The following COLEC12 variants were observed in gnomAD, a reference collection of about 807,000 sequenced individuals.
COLEC12 encodes collectin-12.
Under a neutral mutation model 71.1 loss-of-function variants are expected in COLEC12, and 33 were observed. The ratio of observed to expected loss-of-function variants is 0.46; its 90% CI spans 0.35 to 0.62. The LOEUF (loss-of-function observed/expected upper bound fraction) is 0.62, where lower values mean the gene tolerates loss of function less well. COLEC12 is among the 20% of genes least tolerant of loss of function. The pLI, the probability that COLEC12 is intolerant of heterozygous loss-of-function variation, is 0.00. For missense variants in COLEC12, 765 were observed against 916.1 expected (o/e 0.84, Z 2.13); for synonymous variants, 350 against 353.0 (o/e 0.99, Z 0.10).
intron 2 of COLEC12, among the ~76,000 whole-genome samples, chr18:387,147 G>A (rs1239076409): frequency 1.3e-5 from 2 of 152,202 alleles, no homozygotes; most frequent in Non-Finnish European, 2.9e-5. Flanking sequence ...TGGTAGCGTT[G>A]TCAGCACAGC....
Position 362,107 on chromosome 18 carries a change from C to T in COLEC12, c.59-4585G>A, listed in dbSNP as rs148217453. 7.0e-3 allele frequency among the ~76,000 whole-genome samples: 1,072 copies of T among 152,338 alleles called. 13 individuals carry two copies. Among genetic ancestry groups the T allele is most frequent in the African/African-American group, 0.024 (997 of 41,576 alleles). On this transcript the variant is annotated intron_variant, in intron 2 of 9. Transcript: ENST00000400256. The surrounding 1 kb of genome is among the most constrained non-coding windows in gnomAD (Gnocchi z 4.6). ...ACACTCATCTTTCCCTCCCATCCTT[C>T]CCCGTGAGCTAGCCCTGTGGCCGCC...
chr18:464,946 C>G lies in COLEC12; in HGVS notation c.58+15761G>C, dbSNP rs555927757. Among the ~76,000 whole-genome samples the G allele has an allele frequency of 2.0e-5, 3 of 152,352 alleles. No individual in the cohort carries two copies. In the South Asian group the frequency reaches 6.2e-4, roughly 32 times the overall value. On this transcript the variant is annotated intron_variant, in intron 2 of 9. Coordinates refer to ENST00000400256, the MANE Select transcript of COLEC12 (RefSeq NM_130386.3). ...TGACACACTCTTGGGCTCTCCAAAGCTCAGGTTCTAGACGCTCCCATCACA... is the reference window on the plus strand; with the variant it reads ...TGACACACTCTTGGGCTCTCCAAAGGTCAGGTTCTAGACGCTCCCATCACA...
chr18:357,866 G>A (rs1396246875), intron 2 of COLEC12, among the ~76,000 whole-genome samples: 1 of 152,146 alleles, frequency 6.6e-6, no homozygotes, highest in South Asian at 2.1e-4. Context: ...CCTAATTCCC[G>A]GGCCATGGAC....
intron 2 of COLEC12, among the ~76,000 whole-genome samples, chr18:449,011 G>A (rs181683023): frequency 3.3e-5 from 5 of 152,070 alleles, no homozygotes; most frequent in South Asian, 2.1e-4. Flanking sequence ...GACACCCAGC[G>A]GGGAAAGGGG....
chr18:365,610 C>T (rs1914837687), intron 2 of COLEC12, among the ~76,000 whole-genome samples: 1 of 152,082 alleles, frequency 6.6e-6, no homozygotes. Flanking sequence ...CAAGGTAAGA[C>T]AGAGGCAAGG....
At chr18:377,929 A>G (rs1206814282) in intron 2 of COLEC12, among the ~76,000 whole-genome samples, 1 of 152,124 alleles carries the variant, frequency 6.6e-6, no homozygotes, top group Non-Finnish European at 1.5e-5. Flanking sequence ...CTCCTTCCCC[A>G]CTGAGAAAGC....
chr18:466,195 G>A (rs1230179454), intron 2 of COLEC12, among the ~76,000 whole-genome samples: 7 of 152,088 alleles, frequency 4.6e-5, no homozygotes, highest in African/African-American at 4.8e-5. Context: ...AGCTGAGATC[G>A]CACCACTGCA....
chr18:361,202 T>A (rs929158696), intron 2 of COLEC12, among the ~76,000 whole-genome samples: 8 of 152,138 alleles, frequency 5.3e-5, no homozygotes, highest in Non-Finnish European at 1.0e-4. Flanking sequence ...ACACACAGCA[T>A]CTCTAATCCA....
At chr18:357,311 A>G in intron 3 of COLEC12, 89 bp downstream of exon 3, 1 of 1,262,004 alleles carries the variant, frequency 7.9e-7, no homozygotes, top group Non-Finnish European at 1.1e-6. Context: ...TGAATGAAAT[A>G]CTTCGTATTT....
chr18:407,768 T>C (rs1335410229), intron 2 of COLEC12, among the ~76,000 whole-genome samples: 1 of 152,160 alleles, frequency 6.6e-6, no homozygotes, highest in Non-Finnish European at 1.5e-5. Flanking sequence ...ACACATAAAA[T>C]GGACCCCACA....
At chr18:464,133 CTT>C (rs561608942) in intron 2 of COLEC12, among the ~76,000 whole-genome samples, 3 of 152,208 alleles carry the variant, frequency 2.0e-5, no homozygotes, top group Non-Finnish European at 4.4e-5. Context: ...CCAATTTCCT[CTT>C]GTCTGGACTC....
At position 346,415 on chromosome 18, in the gene COLEC12, G is replaced by T; in HGVS notation, c.1207C>A (p.Gln403Lys). 6.2e-7 allele frequency: 1 copy of T among 1,614,076 alleles called. No individual in the cohort carries two copies. The highest frequency in any genetic ancestry group is 1.1e-5 in the South Asian group (1 of 91,078). The change falls in exon 5 of 10, where the codon CAA (glutamine) becomes AAA (lysine). Residue 403 changes from glutamine (Q) to lysine (K), a missense_variant. Physicochemically the swap from Gln to Lys is moderately conservative, Grantham distance 53 (BLOSUM62 1). Transcript: ENST00000400256. The surrounding 1 kb of genome is among the most constrained non-coding windows in gnomAD (Gnocchi z 4.0). ...RLDSVSLRMQ[Q>K]DLMRSRLDTE... ...TCTAACCTCGACCTCATCAAATCTT[G>T]TTGCATCCTGAGAGAAACAGAATCC...
intron 5 of COLEC12, among the ~76,000 whole-genome samples, chr18:340,586 A>G (rs1484945711): frequency 6.6e-6 from 1 of 152,212 alleles, no homozygotes; most frequent in Non-Finnish European, 1.5e-5. Flanking sequence ...GTTTTCCAAC[A>G]AAACTCCCGG....
chr18:495,136 T>C (rs1177650371), intron 1 of COLEC12, among the ~76,000 whole-genome samples: 1 of 152,190 alleles, frequency 6.6e-6, no homozygotes, highest in Non-Finnish European at 1.5e-5. Flanking sequence ...CAGCAGGACC[T>C]TTTTGAGGTA....
In COLEC12 at chr18:318,370, T is replaced by A. The variant is rs1913602963; in HGVS notation, c.*1675A>T. The A allele has an allele frequency of 6.6e-6, 1 of 152,074 alleles. No homozygotes were observed. Among genetic ancestry groups the A allele is most frequent in the South Asian group, 2.1e-4 (1 of 4,822 alleles). The allele number at this position is 152,074 out of a possible 1,614,324, so 9.4% of individuals were successfully genotyped here. A position where few individuals can be genotyped will look rare whatever the true frequency, so the allele number is the denominator to read the frequency against. On this transcript the variant is annotated 3_prime_UTR_variant, in exon 10 of 10. Coordinates refer to ENST00000400256, the MANE Select transcript of COLEC12 (RefSeq NM_130386.3). ...GGAGAAGGAATCTGTTGGATGGAAA[T>A]CTTACCTTTGAGCATCAGTTATATT...
At chr18:447,901 T>C (rs1319845769) in intron 2 of COLEC12, among the ~76,000 whole-genome samples, 1 of 152,188 alleles carries the variant, frequency 6.6e-6, no homozygotes, top group Non-Finnish European at 1.5e-5. Flanking sequence ...TTGGTAGCGG[T>C]CAATCACTTT....
At chr18:429,768 T>C (rs1472494441) in intron 2 of COLEC12, among the ~76,000 whole-genome samples, 1 of 152,178 alleles carries the variant, frequency 6.6e-6, no homozygotes, top group East Asian at 1.9e-4. Flanking sequence ...CAGATGTGGA[T>C]ATGAATGGCT....
chr18:423,808 A>G (rs1318040520), intron 2 of COLEC12: 1 of 152,074 alleles, frequency 6.6e-6, no homozygotes, highest in Non-Finnish European at 1.5e-5. Flanking sequence ...CTCAGTCAGA[A>G]TGTGCTGATA....
intron 3 of COLEC12, among the ~76,000 whole-genome samples, chr18:349,988 C>T (rs924450137): frequency 5.9e-5 from 9 of 152,084 alleles, no homozygotes; most frequent in Non-Finnish European, 1.0e-4. Flanking sequence ...CTTTGGACTG[C>T]AGACTTTAGG....
Sources: gnomAD v4.1 joint callset for allele counts (sites outside exome capture counted in the v4.1 genomes callset) on GRCh38, gnomAD v4.1.1 for gene constraint, Gnocchi (gnomAD v3.1) non-coding constraint, MANE v1.5 for transcripts, NCBI Gene and HGNC (gene_info 2026-07-23, HGNC 2026-07-21) for gene names.